PAPPA2: variants seen among roughly 807,000 people sequenced by gnomAD.
The protein encoded by PAPPA2 is pappalysin-2.
A neutral mutation model predicts 176.4 loss-of-function variants in PAPPA2; 86 were observed. The observed-to-expected ratio is 0.49, with a 90% confidence interval of 0.41 to 0.58. PAPPA2 has a LOEUF of 0.58. PAPPA2 is among the 20% of genes least tolerant of loss of function. The pLI, the probability that PAPPA2 is intolerant of heterozygous loss-of-function variation, is 0.00. For synonymous variants in PAPPA2, 809 were observed against 852.2 expected, an observed-to-expected ratio of 0.95 and a Z score of 0.88; for missense variants, 2,073 against 2,256.9, an observed-to-expected ratio of 0.92 and a Z score of 1.65.
intron 3 of PAPPA2, among the ~76,000 whole-genome samples, chr1:176,598,436 G>A (rs996281005): frequency 1.3e-5 from 2 of 151,898 alleles, no homozygotes; most frequent in African/African-American, 2.4e-5. Context: ...ACTATTTTTT[G>A]TTGAATCAAT....
intron 14 of PAPPA2, among the ~76,000 whole-genome samples, chr1:176,749,283 C>T (rs1426685679): frequency 6.6e-6 from 1 of 152,080 alleles, no homozygotes; most frequent in East Asian, 1.9e-4. Flanking sequence ...TTTTTAAGGT[C>T]TTTATTCTTT....
intron 1 of PAPPA2, among the ~76,000 whole-genome samples, chr1:176,540,243 A>G (rs1026417443): frequency 6.6e-6 from 1 of 152,220 alleles, no homozygotes; most frequent in Non-Finnish European, 1.5e-5. Flanking sequence ...ACATTGCAAT[A>G]AATGGTATTT....
intron 15 of PAPPA2, among the ~76,000 whole-genome samples, chr1:176,766,523 C>T (rs890219605): frequency 6.6e-6 from 1 of 152,150 alleles, no homozygotes; most frequent in Non-Finnish European, 1.5e-5. Context: ...TCTCCTTAAG[C>T]TTGTTTTCAC....
At chr1:176,511,259 G>A (rs1239239063) in intron 1 of PAPPA2, among the ~76,000 whole-genome samples, 1 of 152,090 alleles carries the variant, frequency 6.6e-6, no homozygotes, top group South Asian at 2.1e-4. Context: ...GGACTTTTCA[G>A]AACAAGGTAT....
At position 176,605,997 on chromosome 1, in the gene PAPPA2, T is replaced by C. The variant is rs151320184; in HGVS notation, c.1991+10402T>C. ...ACTCTTGGAATTGCATGATTTAGAT[T>C]TCAAACTCAAATATGCTAGGCTATC... On this transcript the variant is annotated intron_variant, in intron 3 of 22. Coordinates refer to ENST00000367662, the MANE Select transcript of PAPPA2 (RefSeq NM_020318.3). Among the ~76,000 whole-genome samples the C allele has an allele frequency of 5.6e-3, 847 of 152,192 alleles. 12 individuals are homozygous for C. The highest frequency in any genetic ancestry group is 0.019 in the African/African-American group (794 of 41,524).
At chr1:176,500,086 G>A (rs1647867694) in intron 1 of PAPPA2, among the ~76,000 whole-genome samples, 1 of 149,626 alleles carries the variant, frequency 6.7e-6, no homozygotes, top group African/African-American at 2.5e-5. Flanking sequence ...TCAAATCAAA[G>A]GAGAGGTGAC....
Position 176,661,741 on chromosome 1 carries a change from C to CA in PAPPA2, c.1992-9226dup, listed in dbSNP as rs543214200. Among the ~76,000 whole-genome samples the CA allele has an allele frequency of 2.8e-4, 42 of 152,014 alleles. No homozygotes were observed. In the East Asian group the frequency reaches 8.2e-3, roughly 30 times the overall value. On this transcript the variant is annotated intron_variant, in intron 3 of 22. Coordinates refer to ENST00000367662, the MANE Select transcript of PAPPA2 (RefSeq NM_020318.3). ...CTGATCGTAGACTGTAAATCTCATCCAAATCCCTGGGTGCAAAGGAGCTGG... is the reference window on the plus strand; with the variant it reads ...CTGATCGTAGACTGTAAATCTCATCCAAAATCCCTGGGTGCAAAGGAGCTGG...
At chr1:176,679,610 G>A (rs1659481558) in intron 4 of PAPPA2, among the ~76,000 whole-genome samples, 1 of 152,248 alleles carries the variant, frequency 6.6e-6, no homozygotes, top group African/African-American at 2.4e-5. Flanking sequence ...GAAACCAGCA[G>A]CCACTTGACC....
At chr1:176,474,315 T>C (rs1652016867) in intron 1 of PAPPA2, among the ~76,000 whole-genome samples, 1 of 152,226 alleles carries the variant, frequency 6.6e-6, no homozygotes, top group Admixed American at 6.5e-5. Context: ...CTGGAACACA[T>C]AGTCTTCTTG....
intron 1 of PAPPA2, among the ~76,000 whole-genome samples, chr1:176,469,268 G>GA (rs1174278384): frequency 6.6e-6 from 1 of 152,130 alleles, no homozygotes; most frequent in African/African-American, 2.4e-5. Context: ...TTTTCTGCCA[G>GA]AAAAAACAGT....
chr1:176,497,027 C>A (rs1029035070), intron 1 of PAPPA2, among the ~76,000 whole-genome samples: 1 of 152,118 alleles, frequency 6.6e-6, no homozygotes, highest in East Asian at 1.9e-4. Flanking sequence ...ACATCTATTA[C>A]AATCCTATCC....
chr1:176,606,862 G>A (rs993182855), intron 3 of PAPPA2, among the ~76,000 whole-genome samples: 1 of 152,060 alleles, frequency 6.6e-6, no homozygotes, highest in Non-Finnish European at 1.5e-5. Flanking sequence ...ACATGTTAAG[G>A]CCACTCTAAA....
intron 17 of PAPPA2, among the ~76,000 whole-genome samples, chr1:176,782,354 G>A (rs1197100575): frequency 1.3e-5 from 2 of 152,138 alleles, no homozygotes; most frequent in Admixed American, 1.3e-4. Flanking sequence ...CTTTTCCATG[G>A]TGGGAGCTGA....
intron 14 of PAPPA2, among the ~76,000 whole-genome samples, chr1:176,754,030 T>TC (rs1663304599): frequency 6.6e-6 from 1 of 151,748 alleles, no homozygotes; most frequent in Non-Finnish European, 1.5e-5. Flanking sequence ...TTTTTTTTTT[T>TC]TTTCTTTCAA....
At chr1:176,682,071 T>C (rs540147983) in intron 4 of PAPPA2, among the ~76,000 whole-genome samples, 18 of 152,358 alleles carry the variant, frequency 1.2e-4, no homozygotes, top group Non-Finnish European at 2.5e-4. Context: ...TTCAGCTTTC[T>C]TTCAACCAAA....
At chr1:176,753,416 G>T (rs577344989) in intron 14 of PAPPA2, among the ~76,000 whole-genome samples, 52 of 152,088 alleles carry the variant, frequency 3.4e-4, no homozygotes, top group Non-Finnish European at 6.9e-4. Flanking sequence ...GCTCAGATTT[G>T]AAATGCCAAC....
At chr1:176,795,245 C>T (rs980608878) in intron 20 of PAPPA2, among the ~76,000 whole-genome samples, 3 of 152,054 alleles carry the variant, frequency 2.0e-5, no homozygotes, top group African/African-American at 7.2e-5. Context: ...TCCCAATTCC[C>T]CAGTAAACTG....
chr1:176,772,496 T>G (rs1283203504), intron 17 of PAPPA2, among the ~76,000 whole-genome samples: 1 of 152,142 alleles, frequency 6.6e-6, no homozygotes, highest in East Asian at 1.9e-4. Context: ...ATGTTAACAT[T>G]TGGCCATTAG....
At chr1:176,773,253 C>T (rs1200823354) in intron 17 of PAPPA2, among the ~76,000 whole-genome samples, 1 of 152,156 alleles carries the variant, frequency 6.6e-6, no homozygotes, top group Non-Finnish European at 1.5e-5. Flanking sequence ...GTTTACATAG[C>T]AGGTGGCGGA....
Sources: gnomAD v4.1 joint callset for allele counts (sites outside exome capture counted in the v4.1 genomes callset) on GRCh38, gnomAD v4.1.1 for gene constraint, MANE v1.5 for transcripts, NCBI Gene and HGNC (gene_info 2026-07-23, HGNC 2026-07-21) for gene names.